Variants in CNTN5 observed in about 807,000 individuals in gnomAD.
CNTN5 encodes contactin-5.
In CNTN5, 77 loss-of-function variants were observed where a neutral mutation model predicts 129.1. That is an observed-to-expected ratio of 0.60 (90% CI 0.50 to 0.72). The LOEUF is 0.72. Among genes scored for constraint, CNTN5 ranks in the 30% least tolerant of loss-of-function variants. The probability of loss-of-function intolerance (pLI) is 0.00; values close to 1 mark genes in which losing one functional copy is unlikely to be tolerated. For missense variants in CNTN5, 1,478 were observed against 1,328.8 expected (o/e 1.11, Z -1.75); for synonymous variants, 509 against 465.6 (o/e 1.09, Z -1.20).
At chr11:99,706,943 T>A (rs941089501) in intron 3 of CNTN5, among the ~76,000 whole-genome samples, 1 of 151,170 alleles carries the variant, frequency 6.6e-6, no homozygotes, top group Non-Finnish European at 1.5e-5. Context: ...GCTATATATC[T>A]CAATTAATCT....
intron 6 of CNTN5, among the ~76,000 whole-genome samples, chr11:99,879,296 G>A: frequency 6.6e-6 from 1 of 152,124 alleles, no homozygotes; most frequent in East Asian, 1.9e-4. Flanking sequence ...AAATCAAAGA[G>A]TAAGGGAAGC....
chr11:99,161,478 C>T (rs1209837280), intron 1 of CNTN5, among the ~76,000 whole-genome samples: 9 of 151,660 alleles, frequency 5.9e-5, no homozygotes, highest in Non-Finnish European at 1.3e-4. Context: ...TTATAGGAGG[C>T]CCTTTAAAAG....
intron 18 of CNTN5, among the ~76,000 whole-genome samples, chr11:100,291,914 T>C (rs978483880): frequency 6.6e-6 from 1 of 151,874 alleles, no homozygotes; most frequent in African/African-American, 2.4e-5. Context: ...AAAAGGTTTT[T>C]TCTTCTCCCG....
chr11:99,943,436 C>T (rs1014480602), intron 7 of CNTN5, among the ~76,000 whole-genome samples: 1 of 151,996 alleles, frequency 6.6e-6, no homozygotes, highest in Admixed American at 6.6e-5. Context: ...GATATTAGAC[C>T]TTTGCAAGAT....
intron 1 of CNTN5, among the ~76,000 whole-genome samples, chr11:99,031,565 G>C (rs926139597): frequency 6.6e-6 from 1 of 151,698 alleles, no homozygotes; most frequent in African/African-American, 2.4e-5. Context: ...AGAGGGAGCT[G>C]ATAGAAAGCA....
intron 7 of CNTN5, among the ~76,000 whole-genome samples, chr11:99,946,105 A>T (rs1950548764): frequency 1.3e-5 from 2 of 152,242 alleles, no homozygotes; most frequent in South Asian, 4.2e-4. Context: ...CTCATCTTTA[A>T]CGGTCATCTC....
intron 7 of CNTN5, among the ~76,000 whole-genome samples, chr11:99,926,310 G>A (rs1177869710): frequency 6.6e-6 from 1 of 152,132 alleles, no homozygotes; most frequent in East Asian, 1.9e-4. Context: ...CAGAGTTTAA[G>A]AAGGGGAAGG....
rs1250577631 is a variant in CNTN5 at position 99,429,841 on chromosome 11, C to CCCCG, written c.-71+104361_-71+104364dup. Among the ~76,000 whole-genome samples the CCCCG allele has an allele frequency of 2.5e-4, 38 of 151,666 alleles. 1 individual carries two copies. Among genetic ancestry groups the CCCCG allele is most frequent in the Non-Finnish European group, 5.3e-4 (36 of 67,914 alleles). On this transcript the variant is annotated intron_variant, in intron 2 of 24. Transcript: ENST00000524871. ...TTATTTTAAACACACTGAGAGTAGC[C>CCCCG]CCCGCCCCCATAGTAACAACTATTT...
At chr11:99,359,751 T>C (rs902779440) in intron 2 of CNTN5, among the ~76,000 whole-genome samples, 4 of 152,202 alleles carry the variant, frequency 2.6e-5, no homozygotes, top group East Asian at 1.9e-4. Context: ...CAAATTGCCT[T>C]ACAGCTGTGA....
intron 2 of CNTN5, among the ~76,000 whole-genome samples, chr11:99,446,375 G>A (rs1944072130): frequency 6.6e-6 from 1 of 152,026 alleles, no homozygotes; most frequent in Non-Finnish European, 1.5e-5. Context: ...TCTGGGTCTG[G>A]ACAAATGTTC....
At chr11:99,540,516 G>A (rs750060868) in intron 2 of CNTN5, among the ~76,000 whole-genome samples, 3 of 151,948 alleles carry the variant, frequency 2.0e-5, no homozygotes, top group Admixed American at 6.6e-5. Context: ...ATGTGGCCTG[G>A]GATACAAACT....
intron 2 of CNTN5, among the ~76,000 whole-genome samples, chr11:99,503,668 G>C (rs1946508412): frequency 6.6e-6 from 1 of 152,116 alleles, no homozygotes; most frequent in Non-Finnish European, 1.5e-5. Context: ...GTCATCCGCA[G>C]CTTCTAATAA....
intron 3 of CNTN5, among the ~76,000 whole-genome samples, chr11:99,564,215 A>T (rs1948934124): frequency 6.6e-6 from 1 of 152,132 alleles, no homozygotes; most frequent in Non-Finnish European, 1.5e-5. Context: ...CCAAGTAGCT[A>T]GGACTACAGG....
At chr11:99,464,162 G>T (rs1944844637) in intron 2 of CNTN5, among the ~76,000 whole-genome samples, 1 of 152,164 alleles carries the variant, frequency 6.6e-6, no homozygotes, top group Non-Finnish European at 1.5e-5. Context: ...GTGTTCCTTG[G>T]ACTCTATTAG....
In CNTN5 at chr11:100,350,825, G is replaced by A. The variant is rs1244431152; in HGVS notation, c.3154G>A (p.Gly1052Arg). Reference protein sequence around the residue: ...IIEVRAYSEGGDGTASSQIRV... With the variant: ...IIEVRAYSEGRDGTASSQIRV... ...TGAAGTTCGAGCATATAGTGAAGGAGGAGATGGAACAGCTAGTTCTCAAAT... is the reference window on the plus strand; with the variant it reads ...TGAAGTTCGAGCATATAGTGAAGGAAGAGATGGAACAGCTAGTTCTCAAAT... The change falls in exon 24 of 25, where the codon GGA becomes AGA. Residue 1052 changes from glycine (G) to arginine (R), a missense_variant. Transcript: ENST00000524871. 1 of 1,601,654 alleles carries A rather than the reference G, an allele frequency of 6.2e-7. No homozygotes were observed. Among genetic ancestry groups the A allele is most frequent in the Non-Finnish European group, 8.5e-7 (1 of 1,172,514 alleles).
chr11:100,237,108 G>C (rs1949633032), intron 16 of CNTN5, among the ~76,000 whole-genome samples: 1 of 147,948 alleles, frequency 6.8e-6, no homozygotes, highest in South Asian at 2.1e-4. Flanking sequence ...AGAATGGCGT[G>C]AACCCGGGAG....
chr11:99,230,397 A>G (rs1026399052), intron 1 of CNTN5, among the ~76,000 whole-genome samples: 38 of 152,060 alleles, frequency 2.5e-4, no homozygotes, highest in South Asian at 4.1e-4. Flanking sequence ...GGGAAAAATG[A>G]CAAATTTACA....
chr11:99,334,979 C>G (rs998801092), intron 2 of CNTN5, among the ~76,000 whole-genome samples: 5 of 152,212 alleles, frequency 3.3e-5, no homozygotes, highest in Non-Finnish European at 2.9e-5. Flanking sequence ...AATAGACATG[C>G]TTGAAACAAT....
intron 3 of CNTN5, among the ~76,000 whole-genome samples, chr11:99,811,602 G>A (rs1946430793): frequency 6.6e-6 from 1 of 151,732 alleles, no homozygotes; most frequent in South Asian, 2.1e-4. Flanking sequence ...TCCAAGGACT[G>A]AAAGTGGTGG....
Sources: gnomAD v4.1 joint callset for allele counts (sites outside exome capture counted in the v4.1 genomes callset) on GRCh38, gnomAD v4.1.1 for gene constraint, MANE v1.5 for transcripts, NCBI Gene and HGNC (gene_info 2026-07-23, HGNC 2026-07-21) for gene names.